The following C12orf42 variants were observed in gnomAD, a reference collection of about 807,000 sequenced individuals.
C12orf42 encodes the protein chromosome 12 open reading frame 42.
C12orf42 carries 25 observed loss-of-function variants against 21.6 expected under a neutral mutation model. The ratio of observed to expected loss-of-function variants is 1.16; its 90% CI spans 0.84 to 1.62. The LOEUF (loss-of-function observed/expected upper bound fraction) is 1.62, where lower values mean the gene tolerates loss of function less well. Ranked by LOEUF, C12orf42 falls within the 40% of genes most tolerant of loss-of-function variation. The probability of loss-of-function intolerance (pLI) is 0.00; values close to 1 mark genes in which losing one functional copy is unlikely to be tolerated. For missense variants in C12orf42, 483 were observed against 459.3 expected (o/e 1.05, Z -0.47); for synonymous variants, 174 against 175.0 (o/e 0.99, Z 0.05).
chr12:103,078,312 C>G, the C12orf42 span, among the ~76,000 whole-genome samples: 115 of 152,292 alleles, frequency 7.6e-4, no homozygotes, highest in Non-Finnish European at 4.0e-4. Context: ...AGTCACCCAG[C>G]AAGTGGGATT....
chr12:103,412,195 T>C (rs183075776), intron 2 of C12orf42, among the ~76,000 whole-genome samples: 298 of 152,304 alleles, frequency 2.0e-3, no homozygotes, highest in Non-Finnish European at 3.9e-3. Context: ...TCAGCACAAG[T>C]AAAATGTCAT....
At chr12:103,195,882 T>G in the C12orf42 span, among the ~76,000 whole-genome samples, 1 of 152,188 alleles carries the variant, frequency 6.6e-6, no homozygotes, top group Non-Finnish European at 1.5e-5. Flanking sequence ...CAGAATGATA[T>G]TTCCTGAATT....
intron 4 of C12orf42, among the ~76,000 whole-genome samples, chr12:103,356,710 T>C (rs986521132): frequency 4.0e-5 from 6 of 151,856 alleles, no homozygotes; most frequent in Non-Finnish European, 7.4e-5. Flanking sequence ...TTTTAATGAT[T>C]GCCATTCTAA....
At chr12:103,057,778 C>A in the C12orf42 span, among the ~76,000 whole-genome samples, 1 of 152,004 alleles carries the variant, frequency 6.6e-6, no homozygotes, top group Non-Finnish European at 1.5e-5. Flanking sequence ...AATCACCACA[C>A]CATCTTCTAC....
the C12orf42 span, among the ~76,000 whole-genome samples, chr12:103,056,344 A>G: frequency 6.6e-6 from 1 of 152,138 alleles, no homozygotes; most frequent in African/African-American, 2.4e-5. Context: ...TTTTCTCCCT[A>G]GAGGTGCCAT....
intron 4 of C12orf42, among the ~76,000 whole-genome samples, chr12:103,289,885 C>T (rs1047612677): frequency 2.2e-4 from 34 of 152,088 alleles, no homozygotes; most frequent in Non-Finnish European, 4.0e-4. Flanking sequence ...TTTCTTAATG[C>T]CTTTTGGTAA....
At chr12:103,228,427 G>C in the C12orf42 span, among the ~76,000 whole-genome samples, 1 of 152,084 alleles carries the variant, frequency 6.6e-6, no homozygotes, top group African/African-American at 2.4e-5. Context: ...GTAGTGGAAT[G>C]TCATCAGTTA....
intron 4 of C12orf42, among the ~76,000 whole-genome samples, chr12:103,331,769 G>A (rs1172499509): frequency 6.6e-6 from 1 of 152,186 alleles, no homozygotes; most frequent in East Asian, 1.9e-4. Context: ...AGGAGGCTGG[G>A]CATTGGCAAG....
intron 4 of C12orf42, among the ~76,000 whole-genome samples, chr12:103,332,457 A>T (rs904788460): frequency 5.9e-5 from 9 of 152,232 alleles, no homozygotes; most frequent in African/African-American, 1.7e-4. Flanking sequence ...TGCAGCTGAC[A>T]CACCCATTTT....
chr12:103,216,570 G>A, the C12orf42 span, among the ~76,000 whole-genome samples: 1 of 151,708 alleles, frequency 6.6e-6, no homozygotes, highest in Non-Finnish European at 1.5e-5. Context: ...AGTAGAGATG[G>A]GGTTTCACCG....
In C12orf42 at chr12:103,399,826, C is replaced by T. The variant is rs2047844988; in HGVS notation, c.147+1781G>A. 2.0e-5 allele frequency among the ~76,000 whole-genome samples: 3 copies of T among 151,976 alleles called. No homozygotes were observed. The South Asian group carries it at 6.2e-4, about 32-fold the overall frequency. ...ATACTGGAATACATACACACAGACACAGAGACAGAGACACGCAAAGACACA... is the reference window on the plus strand; with the variant it reads ...ATACTGGAATACATACACACAGACATAGAGACAGAGACACGCAAAGACACA... On this transcript the variant is annotated intron_variant, in intron 3 of 5. Coordinates refer to ENST00000548883, the MANE Select transcript of C12orf42 (RefSeq NM_198521.5).
rs749821799 is a variant in C12orf42, at chr12:103,478,455, C to T, written c.-21-8G>A. ...TTTGACAAGTTCAACTCCCTATAAA[C>T]AAAGAATGGAGAAAGAAGAGCAGGT... On this transcript the variant is annotated splice_region_variant and splice_polypyrimidine_tract_variant and intron_variant, in intron 1 of 5. Transcript: ENST00000548883. 8.1e-6 allele frequency: 11 copies of T among 1,366,210 alleles called. No individual in the cohort carries two copies. The highest frequency in any genetic ancestry group is 1.1e-5 in the Non-Finnish European group (11 of 989,206). 84.6% of individuals were successfully genotyped at this position (1,366,210 alleles called of 1,614,324 possible).
At chr12:103,265,942 T>C (rs2035148747), downstream of C12orf42, among the ~76,000 whole-genome samples, 2 of 152,134 alleles carry the variant, frequency 1.3e-5, no homozygotes, top group African/African-American at 4.8e-5. Flanking sequence ...CTTAAATGGA[T>C]AACCTTCTCA....
intron 4 of C12orf42, among the ~76,000 whole-genome samples, chr12:103,277,606 T>A (rs2035847627): frequency 1.3e-5 from 2 of 150,330 alleles, no homozygotes; most frequent in Admixed American, 1.3e-4. Context: ...TGGGCACAAT[T>A]TTCTTTTTCT....
At chr12:103,226,531 A>G in the C12orf42 span, among the ~76,000 whole-genome samples, 12 of 152,184 alleles carry the variant, frequency 7.9e-5, no homozygotes, top group Admixed American at 2.0e-4. Context: ...TGGGATAAAG[A>G]AAAAGGAGCA....
intron 2 of C12orf42, among the ~76,000 whole-genome samples, chr12:103,461,076 A>G (rs1431729763): frequency 2.0e-5 from 3 of 152,214 alleles, no homozygotes; most frequent in Non-Finnish European, 4.4e-5. Context: ...ACTGTCTTCT[A>G]TTAACCTTCA....
At chr12:103,449,123 A>C (rs566543587) in intron 2 of C12orf42, among the ~76,000 whole-genome samples, 4 of 151,990 alleles carry the variant, frequency 2.6e-5, no homozygotes, top group Admixed American at 2.0e-4. Context: ...AGATAGATAG[A>C]TAGATAGACA....
chr12:103,176,864 G>A, the C12orf42 span, among the ~76,000 whole-genome samples: 1 of 152,090 alleles, frequency 6.6e-6, no homozygotes, highest in African/African-American at 2.4e-5. Context: ...ATGTCCCCGT[G>A]AGTAGTTATT....
the C12orf42 span, among the ~76,000 whole-genome samples, chr12:103,135,959 T>C: frequency 3.3e-5 from 5 of 152,166 alleles, no homozygotes; most frequent in Non-Finnish European, 7.3e-5. Context: ...TCATACTAAA[T>C]GTGGAAATAC....
Sources: allele counts gnomAD v4.1 joint callset (sites outside exome capture counted in the v4.1 genomes callset), GRCh38; gene constraint gnomAD v4.1.1; transcripts MANE v1.5; gene names NCBI Gene and HGNC (gene_info 2026-07-23, HGNC 2026-07-21).